The following RBMS2 variants were observed in gnomAD, a reference collection of about 807,000 sequenced individuals.
The protein encoded by RBMS2 is RNA binding motif single stranded interacting protein 2, also known as RNA-binding motif, single-stranded-interacting protein 2.
RBMS2 carries 38 observed loss-of-function variants against 58.4 expected under a neutral mutation model. The observed-to-expected ratio is 0.65, with a 90% CI of 0.50 to 0.85. The LOEUF is 0.85. Ranked by LOEUF, RBMS2 falls within the 40% of genes least tolerant of loss-of-function variation. The pLI is 0.00. For synonymous variants in RBMS2, 151 were observed against 180.7 expected (o/e 0.84, Z 1.32); for missense variants, 367 against 503.7 (o/e 0.73, Z 2.60).
At chr12:56,526,532 T>G (rs1322965298) in intron 1 of RBMS2, among the ~76,000 whole-genome samples, 1 of 151,662 alleles carries the variant, frequency 6.6e-6, no homozygotes, top group Non-Finnish European at 1.5e-5. Context: ...GTGTTAAATT[T>G]TTTTTTCCTT....
Position 56,572,948 on chromosome 12 carries a change from T to A in RBMS2, c.542+1093T>A, listed in dbSNP as rs1044420818. 4.1e-6 allele frequency: 4 copies of A among 984,240 alleles called. No homozygotes were observed. In the South Asian group the frequency reaches 1.4e-4, roughly 35 times the overall value. 61.0% of individuals were successfully genotyped at this position (984,240 alleles called of 1,614,324 possible). On this transcript the variant is annotated intron_variant, in intron 5 of 13. Coordinates refer to ENST00000262031, the MANE Select transcript of RBMS2 (RefSeq NM_002898.4). ...TTTCCCAGGTGCCCTTCTTTGGGCTTTGGTATCTGCCCTCACTGTCGTAGG... is the reference window on the plus strand; with the variant it reads ...TTTCCCAGGTGCCCTTCTTTGGGCTATGGTATCTGCCCTCACTGTCGTAGG...
chr12:56,562,541 A>C lies in RBMS2; in HGVS notation c.191A>C (p.Gln64Pro), dbSNP rs769127441. Residue 64 changes from glutamine to proline, a missense_variant, in exon 2 of 14, where the codon CAA becomes CCA. By Grantham distance (76) the Gln-to-Pro change is moderately conservative. Transcript: ENST00000262031. ...ACCAACCTATACATCCGAGGATTGC[A>C]ACCAGGCACTACTGACCAAGATCTT... is the stretch of plus-strand genomic sequence containing the variant. ...SKTNLYIRGL[Q>P]PGTTDQDLVK... 2.5e-6 allele frequency: 4 copies of C among 1,613,406 alleles called. No homozygotes were observed. The highest frequency in any genetic ancestry group is 3.4e-6 in the Non-Finnish European group (4 of 1,179,298).
intron 5 of RBMS2, among the ~76,000 whole-genome samples, chr12:56,580,087 A>G (rs1362698564): frequency 5.5e-5 from 8 of 145,324 alleles, no homozygotes; most frequent in Middle Eastern, 3.9e-3. Context: ...GCACCACCAC[A>G]CTCAGCTAAT....
chr12:56,567,526 G>T (rs1881577077), intron 2 of RBMS2, among the ~76,000 whole-genome samples: 1 of 152,026 alleles, frequency 6.6e-6, no homozygotes, highest in African/African-American at 2.4e-5. Flanking sequence ...AATTTAGATG[G>T]TTTTTTGTTT....
intron 1 of RBMS2, among the ~76,000 whole-genome samples, chr12:56,538,252 C>A (rs970209796): frequency 7.9e-5 from 12 of 151,120 alleles, no homozygotes; most frequent in African/African-American, 2.9e-4. Flanking sequence ...AGGCTGGTGT[C>A]GAACTCCTGG....
intron 1 of RBMS2, among the ~76,000 whole-genome samples, chr12:56,523,341 C>A (rs1872088372): frequency 6.6e-6 from 1 of 152,118 alleles, no homozygotes; most frequent in African/African-American, 2.4e-5. Flanking sequence ...AATGAGCAGA[C>A]TTTAGCTCCT....
intron 10 of RBMS2, among the ~76,000 whole-genome samples, chr12:56,587,353 A>G (rs1227529462): frequency 2.6e-5 from 4 of 151,988 alleles, no homozygotes; most frequent in African/African-American, 4.8e-5. Context: ...GTAAGACCTA[A>G]GCTTGTTATT....
intron 5 of RBMS2, among the ~76,000 whole-genome samples, chr12:56,577,459 T>A (rs1418944382): frequency 9.2e-6 from 1 of 108,896 alleles, no homozygotes; most frequent in Admixed American, 8.6e-5. Context: ...CATACAAAAT[T>A]ATTATTATTA....
intron 1 of RBMS2, among the ~76,000 whole-genome samples, chr12:56,560,037 GGCAT>G (rs1880099714): frequency 1.3e-5 from 2 of 151,014 alleles, no homozygotes; most frequent in South Asian, 4.2e-4. Flanking sequence ...TGGGATTACA[GGCAT>G]GTGCCACCAC....
chr12:56,577,792 C>T (rs1048947019), intron 5 of RBMS2, among the ~76,000 whole-genome samples: 14 of 152,004 alleles, frequency 9.2e-5, no homozygotes, highest in African/African-American at 2.9e-4. Context: ...AAGCAATTCT[C>T]CTGCCTCAAC....
chr12:56,555,524 G>A (rs534160110), intron 1 of RBMS2, among the ~76,000 whole-genome samples: 14 of 151,776 alleles, frequency 9.2e-5, no homozygotes, highest in African/African-American at 3.4e-4. Flanking sequence ...GGAGGCTGAA[G>A]TGGGAGGATT....
chr12:56,523,074 T>G lies in RBMS2; in HGVS notation c.66+985T>G, dbSNP rs573353732. ...CCTAATGAGACCATTAGAGGTGGAT[T>G]TAAACACAAGTGTCTGATCAATGCA... On this transcript the variant is annotated intron_variant, in intron 1 of 13. Coordinates refer to ENST00000262031, the MANE Select transcript of RBMS2 (RefSeq NM_002898.4). 2.6e-5 allele frequency among the ~76,000 whole-genome samples: 4 copies of G among 152,326 alleles called. No homozygotes were observed. In the South Asian group the frequency reaches 8.3e-4, roughly 32 times the overall value.
chr12:56,534,042 A>AC (rs1446846871), intron 1 of RBMS2, among the ~76,000 whole-genome samples: 3 of 151,834 alleles, frequency 2.0e-5, no homozygotes, highest in Admixed American at 1.3e-4. Context: ...TGGGATTTGA[A>AC]CCCGGGTAAT....
intron 1 of RBMS2, among the ~76,000 whole-genome samples, chr12:56,548,289 A>T (rs1346456292): frequency 2.6e-5 from 4 of 152,032 alleles, no homozygotes; most frequent in African/African-American, 9.7e-5. Context: ...TCTACTAAAA[A>T]TACAAAAATT....
At chr12:56,584,815 T>G (rs965301029) in intron 9 of RBMS2, among the ~76,000 whole-genome samples, 2 of 150,846 alleles carry the variant, frequency 1.3e-5, no homozygotes, top group Admixed American at 1.3e-4. Context: ...ACTTTTGAAC[T>G]TCTTGTCTTT....
At chr12:56,529,841 T>C (rs1452000148) in intron 1 of RBMS2, among the ~76,000 whole-genome samples, 3 of 152,158 alleles carry the variant, frequency 2.0e-5, no homozygotes, top group Non-Finnish European at 4.4e-5. Context: ...GTGTTTCTTT[T>C]TGGGATAATG....
intron 2 of RBMS2, among the ~76,000 whole-genome samples, chr12:56,566,043 A>G (rs1191934755): frequency 6.6e-6 from 1 of 152,100 alleles, no homozygotes; most frequent in East Asian, 1.9e-4. Flanking sequence ...CCCTGCCTCA[A>G]TTTGGGAATG....
intron 12 of RBMS2, chr12:56,588,592 A>G (rs927425948): frequency 1.7e-6 from 1 of 586,708 alleles, no homozygotes; most frequent in Non-Finnish European, 3.0e-6. Context: ...CAAGGATGAC[A>G]TGCAAATTTG....
intron 1 of RBMS2, among the ~76,000 whole-genome samples, chr12:56,541,857 A>C (rs1293478134): frequency 1.3e-5 from 2 of 152,208 alleles, no homozygotes; most frequent in Non-Finnish European, 2.9e-5. Context: ...GGGAGGGGTG[A>C]TATGCTAAAC....
Sources: allele counts gnomAD v4.1 joint callset (sites outside exome capture counted in the v4.1 genomes callset), GRCh38; gene constraint gnomAD v4.1.1; transcripts MANE v1.5; gene names NCBI Gene and HGNC (gene_info 2026-07-23, HGNC 2026-07-21).